TRMO: variants seen among roughly 807,000 people sequenced by gnomAD.
TRMO encodes tRNA (adenine(37)-N6)-methyltransferase.
A neutral mutation model predicts 37.2 loss-of-function variants in TRMO; 30 were observed. That is an observed-to-expected ratio of 0.81 (90% confidence interval 0.60 to 1.09). The LOEUF is 1.09. Among genes scored for constraint, TRMO ranks in the 50% least tolerant of loss-of-function variants. TRMO has a pLI of 0.00. For synonymous variants in TRMO, 239 were observed against 199.4 expected (o/e 1.20, Z -1.67); for missense variants, 552 against 549.5 (o/e 1.00, Z -0.05).
At chr9:97,909,241 C>T (rs1218300891) in intron 4 of TRMO, among the ~76,000 whole-genome samples, 3 of 152,160 alleles carry the variant, frequency 2.0e-5, no homozygotes, top group East Asian at 1.9e-4. Flanking sequence ...AGTGAGCCAC[C>T]GTGCCCAGCC....
At chr9:97,899,497 G>A (rs1007633151), downstream of TRMO, among the ~76,000 whole-genome samples, 1 of 151,788 alleles carries the variant, frequency 6.6e-6, no homozygotes, top group Non-Finnish European at 1.5e-5. Flanking sequence ...GGAGTGCAGT[G>A]GCACAATCTC....
chr9:97,897,636 G>A, the TRMO span, among the ~76,000 whole-genome samples: 1 of 152,052 alleles, frequency 6.6e-6, no homozygotes, highest in African/African-American at 2.4e-5. Flanking sequence ...ATTTTAAATT[G>A]CATTGTAAAG....
chr9:97,913,050 A>C, intron 3 of TRMO: 1 of 649,086 alleles, frequency 1.5e-6, no homozygotes, highest in South Asian at 1.5e-5. Flanking sequence ...ATTGTGTGTT[A>C]AATTGGAAAG....
At chr9:97,904,086 C>T (rs1282869367), downstream of TRMO, among the ~76,000 whole-genome samples, 1 of 152,036 alleles carries the variant, frequency 6.6e-6, no homozygotes, top group African/African-American at 2.4e-5. Context: ...CATCTCAAAA[C>T]AAAAACAAAA....
chr9:97,910,689 C>T, intron 3 of TRMO, 73 bp from the exon 4 acceptor site: 1 of 1,525,562 alleles, frequency 6.6e-7, no homozygotes, highest in South Asian at 1.2e-5. Flanking sequence ...CCAGAATCCT[C>T]TAACACTGTC....
At chr9:97,920,588 T>C (rs1054620631) in intron 1 of TRMO, among the ~76,000 whole-genome samples, 6 of 152,270 alleles carry the variant, frequency 3.9e-5, no homozygotes, top group Admixed American at 1.3e-4. Context: ...TTAAAGTCCC[T>C]GCTCAGGCTT....
At chr9:97,918,869 T>A (rs770012027) in intron 1 of TRMO, among the ~76,000 whole-genome samples, 1 of 152,208 alleles carries the variant, frequency 6.6e-6, no homozygotes, top group Non-Finnish European at 1.5e-5. Context: ...AACAGAAGCC[T>A]GAATTTGATC....
At chr9:97,919,193 G>A (rs1026989123) in intron 1 of TRMO, among the ~76,000 whole-genome samples, 4 of 152,014 alleles carry the variant, frequency 2.6e-5, no homozygotes, top group Non-Finnish European at 5.9e-5. Flanking sequence ...AAGAAACTGA[G>A]GCCAAACGAC....
At chr9:97,916,869 C>CTTTTTTT (rs572431064) in intron 1 of TRMO, among the ~76,000 whole-genome samples, 2 of 138,270 alleles carry the variant, frequency 1.4e-5, no homozygotes, top group Non-Finnish European at 3.2e-5. Flanking sequence ...CCACGCTCAA[C>CTTTTTTT]TTTTTTTTTT....
intron 1 of TRMO, among the ~76,000 whole-genome samples, chr9:97,920,467 G>A (rs777930282): frequency 6.6e-6 from 1 of 152,162 alleles, no homozygotes; most frequent in Non-Finnish European, 1.5e-5. Context: ...CTCTGAATCC[G>A]TTTTCTCATC....
At chr9:97,899,028 CG>C in the TRMO span, among the ~76,000 whole-genome samples, 1 of 151,330 alleles carries the variant, frequency 6.6e-6, no homozygotes, top group Non-Finnish European at 1.5e-5. Flanking sequence ...TTAGTAGAGA[CG>C]GGGTTTCACC....
chr9:97,911,482 G>A (rs1240589259), intron 3 of TRMO: 6 of 152,366 alleles, frequency 3.9e-5, no homozygotes, highest in African/African-American at 1.4e-4. Context: ...CCATGGTCAA[G>A]CCTCCAGATA....
intron 1 of TRMO, among the ~76,000 whole-genome samples, chr9:97,919,274 G>C (rs557972856): frequency 6.6e-6 from 1 of 151,700 alleles, no homozygotes; most frequent in African/African-American, 2.4e-5. Context: ...CAAAATCCCT[G>C]TGTCTTCTTT....
chr9:97,897,148 C>A, the TRMO span, among the ~76,000 whole-genome samples: 2 of 152,212 alleles, frequency 1.3e-5, no homozygotes, highest in Non-Finnish European at 2.9e-5. Context: ...TACATTTTCT[C>A]ACATGGCTAA....
chr9:97,920,283 G>C (rs565409214), intron 1 of TRMO, among the ~76,000 whole-genome samples: 1 of 152,214 alleles, frequency 6.6e-6, no homozygotes. Flanking sequence ...CAGGGATAGA[G>C]ATAAATAAGC....
intron 1 of TRMO, among the ~76,000 whole-genome samples, chr9:97,921,677 G>A: frequency 6.6e-6 from 1 of 151,996 alleles, no homozygotes; most frequent in Non-Finnish European, 1.5e-5. Context: ...GCCCACCTCG[G>A]CCTCCCAAAG....
chr9:97,910,391 T>A lies in TRMO; in HGVS notation c.635A>T (p.His212Leu). Residue 212 changes from histidine (H) to leucine (L), a missense_variant, in exon 4 of 5, where the codon CAC becomes CTC. Coordinates refer to ENST00000375119, the MANE Select transcript of TRMO (RefSeq NM_016481.5). ...TTTAGGTTTCCTCTTAGTGCTATGG[T>A]GGGGTTGTGGCTCATCACACCCTGA... is the stretch of plus-strand genomic sequence containing the variant. ...QLSGCDEPQP[H>L]HSTKRKPKCP... The A allele has an allele frequency of 6.2e-7, 1 of 1,614,210 alleles. No individual in the cohort carries two copies. The highest frequency in any genetic ancestry group is 8.5e-7 in the Non-Finnish European group (1 of 1,180,042).
chr9:97,916,488 G>A lies in TRMO; in HGVS notation c.77-150C>T, dbSNP rs952766577. The stretch of plus-strand genomic sequence containing the variant: ...TGATTTTTATAGTATTCATGAATAC[G>A]TATAAGTATTCTCATCATTACATAC... On this transcript the variant is annotated intron_variant, in intron 1 of 4. Coordinates refer to ENST00000375119, the MANE Select transcript of TRMO (RefSeq NM_016481.5). The A allele has an allele frequency of 8.0e-5, 48 of 600,440 alleles. No homozygotes were observed. In the Admixed American group the frequency reaches 9.2e-4, roughly 12 times the overall value. The allele number at this position is 600,440 out of a possible 1,614,324, so 37.2% of individuals were successfully genotyped here.
downstream of TRMO, among the ~76,000 whole-genome samples, chr9:97,903,894 C>T (rs1293704243): frequency 2.0e-5 from 3 of 152,120 alleles, no homozygotes; most frequent in Non-Finnish European, 4.4e-5. Flanking sequence ...GAATTCGAGA[C>T]CAGCCTGACC....
Sources: allele counts gnomAD v4.1 joint callset (sites outside exome capture counted in the v4.1 genomes callset), GRCh38; gene constraint gnomAD v4.1.1; transcripts MANE v1.5; gene names NCBI Gene and HGNC (gene_info 2026-07-23, HGNC 2026-07-21).